Variants in DPYD observed in about 807,000 individuals in gnomAD.
DPYD encodes the protein dihydropyrimidine dehydrogenase [NADP(+)].
DPYD carries 109 observed loss-of-function variants against 116.2 expected under a neutral mutation model. The observed-to-expected ratio is 0.94, with a 90% CI of 0.80 to 1.10. The LOEUF (loss-of-function observed/expected upper bound fraction) is 1.10. Ranked by LOEUF, DPYD falls within the 50% of genes least tolerant of loss-of-function variation. DPYD has a pLI of 0.00. For missense variants in DPYD, 1,302 were observed against 1,254.5 expected (o/e 1.04, Z -0.57); for synonymous variants, 440 against 432.0 (o/e 1.02, Z -0.23).
chr1:97,468,354 G>A (rs1379113937), intron 13 of DPYD, among the ~76,000 whole-genome samples: 1 of 152,018 alleles, frequency 6.6e-6, no homozygotes, highest in Non-Finnish European at 1.5e-5. Flanking sequence ...TTAGAAGGTG[G>A]GCATTTTAGA....
chr1:97,260,196 TAGTC>T (rs1663788620), intron 18 of DPYD, among the ~76,000 whole-genome samples: 1 of 152,056 alleles, frequency 6.6e-6, no homozygotes, highest in Non-Finnish European at 1.5e-5. Flanking sequence ...ATAATAGAAA[TAGTC>T]AGCTAATAAG....
At chr1:97,226,270 C>G (rs1661154185) in intron 19 of DPYD, among the ~76,000 whole-genome samples, 1 of 152,080 alleles carries the variant, frequency 6.6e-6, no homozygotes, top group Admixed American at 6.5e-5. Context: ...CACAAGCATG[C>G]AGCTAACATC....
intron 19 of DPYD, among the ~76,000 whole-genome samples, chr1:97,196,641 CT>C (rs1400803804): frequency 1.1e-4 from 17 of 152,020 alleles, no homozygotes; most frequent in African/African-American, 4.1e-4. Context: ...TTCTTTAGTC[CT>C]CAAGATAACC....
chr1:97,533,327 C>T (rs187623382), intron 12 of DPYD, among the ~76,000 whole-genome samples: 61 of 152,062 alleles, frequency 4.0e-4, no homozygotes, highest in Admixed American at 1.6e-3. Context: ...TGCATACAAA[C>T]CAAAGAGTCT....
At chr1:97,181,604 T>A (rs1657647039) in intron 20 of DPYD, among the ~76,000 whole-genome samples, 1 of 152,142 alleles carries the variant, frequency 6.6e-6, no homozygotes, top group Non-Finnish European at 1.5e-5. Flanking sequence ...AGTAAAATCA[T>A]GGTGTCAATA....
At chr1:97,146,126 GTTGAT>G (rs970055183) in intron 20 of DPYD, among the ~76,000 whole-genome samples, 28 of 152,102 alleles carry the variant, frequency 1.8e-4, no homozygotes, top group African/African-American at 6.8e-4. Context: ...TTGTCTGTCT[GTTGAT>G]TTATTTGCTT....
chr1:97,367,528 A>G (rs1006988559), intron 16 of DPYD, among the ~76,000 whole-genome samples: 2 of 152,156 alleles, frequency 1.3e-5, no homozygotes, highest in African/African-American at 4.8e-5. Flanking sequence ...CTAATATTTA[A>G]AAATTCTATG....
chr1:97,418,871 G>T (rs763514966), intron 14 of DPYD, among the ~76,000 whole-genome samples: 8 of 152,148 alleles, frequency 5.3e-5, no homozygotes, highest in Non-Finnish European at 8.8e-5. Flanking sequence ...TTCAGCCAAA[G>T]CCTAGAAGCA....
At chr1:97,893,034 T>A (rs1672853988) in intron 1 of DPYD, among the ~76,000 whole-genome samples, 1 of 151,766 alleles carries the variant, frequency 6.6e-6, no homozygotes, top group Non-Finnish European at 1.5e-5. Flanking sequence ...ATGCAAAAGA[T>A]GTTTAGAGTG....
In DPYD at chr1:97,089,092, C is replaced by T. The variant is rs536288819; in HGVS notation, c.2767-6622G>A. 2.0e-4 allele frequency among the ~76,000 whole-genome samples: 31 copies of T among 152,318 alleles called. 1 individual carries two copies. The South Asian group carries it at 4.1e-3, about 20-fold the overall frequency. The stretch of plus-strand genomic sequence containing the variant: ...CAGGCTGACTGGTGTCCCGCCAACA[C>T]TGTCTTGCCAGTCTTATGAGATGCA... On this transcript the variant is annotated intron_variant, in intron 21 of 22. Transcript: ENST00000370192.
At chr1:97,172,938 G>A (rs889181471) in intron 20 of DPYD, among the ~76,000 whole-genome samples, 6 of 152,052 alleles carry the variant, frequency 3.9e-5, no homozygotes, top group Middle Eastern at 3.2e-3. Flanking sequence ...CCTCCCAACT[G>A]CTCCTGATGC....
intron 8 of DPYD, 66 bp from the exon 9 acceptor site, chr1:97,595,232 CA>C: frequency 7.7e-7 from 1 of 1,295,146 alleles, no homozygotes; most frequent in South Asian, 1.3e-5. Flanking sequence ...GATATTAAAA[CA>C]AAAAAGAAAA....
chr1:97,556,615 T>TG (rs1254790439), intron 11 of DPYD, among the ~76,000 whole-genome samples: 1 of 150,122 alleles, frequency 6.7e-6, no homozygotes, highest in Non-Finnish European at 1.5e-5. Flanking sequence ...GTTTGGTTTT[T>TG]TGTTCTTGCG....
chr1:97,333,336 A>G (rs1669117084), intron 16 of DPYD, among the ~76,000 whole-genome samples: 2 of 152,098 alleles, frequency 1.3e-5, no homozygotes, highest in Admixed American at 1.3e-4. Flanking sequence ...CTGCTTCTTT[A>G]TAATGATGCA....
At chr1:97,309,898 T>C (rs148866849) in intron 16 of DPYD, among the ~76,000 whole-genome samples, 1 of 151,888 alleles carries the variant, frequency 6.6e-6, no homozygotes, top group Non-Finnish European at 1.5e-5. Context: ...AAATGACCCA[T>C]CCTGCTGCTT....
chr1:97,825,451 C>T (rs1345773222), intron 3 of DPYD, among the ~76,000 whole-genome samples: 18 of 152,062 alleles, frequency 1.2e-4, no homozygotes, highest in Admixed American at 1.2e-3. Context: ...CCTGGCTAGA[C>T]ACACTCAGGA....
intron 3 of DPYD, among the ~76,000 whole-genome samples, chr1:97,753,856 T>C (rs904177062): frequency 3.3e-5 from 5 of 151,858 alleles, no homozygotes; most frequent in Admixed American, 3.3e-4. Context: ...AAAATACATA[T>C]CTAACTTATA....
chr1:97,272,345 T>C (rs947665981), intron 18 of DPYD, among the ~76,000 whole-genome samples: 1 of 152,164 alleles, frequency 6.6e-6, no homozygotes, highest in Admixed American at 6.6e-5. Context: ...GTATGTCTTT[T>C]AACTGAGTAA....
At chr1:97,861,884 T>A (rs1333712752) in intron 2 of DPYD, among the ~76,000 whole-genome samples, 3 of 152,042 alleles carry the variant, frequency 2.0e-5, no homozygotes. Flanking sequence ...TGTTCTACAT[T>A]TGCAGCCTCT....
Sources: allele counts gnomAD v4.1 joint callset (sites outside exome capture counted in the v4.1 genomes callset), GRCh38; gene constraint gnomAD v4.1.1; transcripts MANE v1.5; gene names NCBI Gene and HGNC (gene_info 2026-07-23, HGNC 2026-07-21).